The following USH1C variants were observed in gnomAD, a reference collection of about 807,000 sequenced individuals.
The protein encoded by USH1C is USH1 protein network component harmonin.
A neutral mutation model predicts 119.3 loss-of-function variants in USH1C; 90 were observed. The observed-to-expected ratio is 0.75, with a 90% CI of 0.64 to 0.90. The LOEUF (loss-of-function observed/expected upper bound fraction) is 0.90, where lower values mean the gene tolerates loss of function less well. Ranked by LOEUF, USH1C falls within the 40% of genes least tolerant of loss-of-function variation. The probability of loss-of-function intolerance (pLI) is 0.00; values close to 1 mark genes in which losing one functional copy is unlikely to be tolerated. For synonymous variants in USH1C, 465 were observed against 443.3 expected (o/e 1.05, Z -0.62); for missense variants, 1,165 against 1,167.7 (o/e 1.00, Z 0.03).
rs1244378437 is a variant in USH1C at position 17,517,415 on chromosome 11, C to A, written c.1211-1125G>T. The A allele has an allele frequency of 6.3e-7, 1 of 1,588,450 alleles. No homozygotes were observed. The highest frequency in any genetic ancestry group is 8.6e-7 in the Non-Finnish European group (1 of 1,166,636). Reference sequence around the variant, plus strand: ...GGGACGCGAACCTGCTCTCCCTGCTCCTCCGTGCCTCCATCCAGGTCATCT... The same window carrying A: ...GGGACGCGAACCTGCTCTCCCTGCTACTCCGTGCCTCCATCCAGGTCATCT... On this transcript the variant is annotated intron_variant, in intron 14 of 26. Transcript: ENST00000005226.
rs1032276543 is a variant in USH1C, at chr11:17,505,476, G to A, written c.2133+354C>T. Reference sequence around the variant, plus strand: ...CCTCTCTAAACCTCCCTTTCCTCGAGTGTTAAACAGGATGACCACAGGAAC... The same window carrying A: ...CCTCTCTAAACCTCCCTTTCCTCGAATGTTAAACAGGATGACCACAGGAAC... On this transcript the variant is annotated intron_variant, in intron 19 of 26. Transcript: ENST00000005226. Among the ~76,000 whole-genome samples, 6 of 152,362 alleles carry A rather than the reference G, an allele frequency of 3.9e-5. No homozygotes were observed. In the South Asian group the frequency reaches 1.2e-3, roughly 32 times the overall value.
chr11:17,527,126 C>G, intron 5 of USH1C, 86 bp from the exon 6 acceptor site: 1 of 944,826 alleles, frequency 1.1e-6, no homozygotes, highest in Non-Finnish European at 1.3e-6. Context: ...GCTCCCCCGC[C>G]CTCCCTCCCT....
At chr11:17,543,021 C>A (rs1007304685) in intron 1 of USH1C, among the ~76,000 whole-genome samples, 1 of 152,214 alleles carries the variant, frequency 6.6e-6, no homozygotes, top group Non-Finnish European at 1.5e-5. Context: ...GGCCTCAACA[C>A]GCAGCACTCA....
chr11:17,526,225 T>C, intron 8 of USH1C, 122 bp downstream of exon 8: 2 of 800,038 alleles, frequency 2.5e-6, no homozygotes, highest in East Asian at 2.6e-5. Flanking sequence ...TCATCACCCA[T>C]GGACAGTCAC....
intron 23 of USH1C, among the ~76,000 whole-genome samples, 171 bp downstream of exon 23, chr11:17,500,880 C>A (rs894027995): frequency 2.0e-5 from 3 of 152,218 alleles, no homozygotes; most frequent in South Asian, 2.1e-4. Context: ...GTCCCGGCGC[C>A]ATCCCATGCC....
chr11:17,532,659 C>T (rs185908627), intron 2 of USH1C, among the ~76,000 whole-genome samples: 22 of 152,294 alleles, frequency 1.4e-4, no homozygotes, highest in East Asian at 3.9e-4. Context: ...CCTCTTCCCT[C>T]GCAGTTGGAA....
intron 24 of USH1C, among the ~76,000 whole-genome samples, chr11:17,497,188 G>A (rs754938661): frequency 1.3e-5 from 2 of 152,162 alleles, no homozygotes; most frequent in Non-Finnish European, 2.9e-5. Flanking sequence ...AACCTCTCTG[G>A]GTAATTCCGA....
intron 14 of USH1C, among the ~76,000 whole-genome samples, chr11:17,519,444 C>T (rs2133862036): frequency 6.6e-6 from 1 of 152,268 alleles, no homozygotes; most frequent in South Asian, 2.1e-4. Context: ...AATAAATAAC[C>T]AGCTAGTGAA....
chr11:17,509,912 T>C lies in USH1C; in HGVS notation c.1531-74A>G, dbSNP rs1422455062. On this transcript the variant is annotated intron_variant, in intron 17 of 26. Transcript: ENST00000005226. ...CCACTTCACAATACAGCGAGCACTA[T>C]GCTCTTCTAATCTGTTTCTCTTGCT... 29 of 1,505,864 alleles carry C rather than the reference T, an allele frequency of 1.9e-5. No individual in the cohort carries two copies. In the East Asian group the frequency reaches 4.1e-4, roughly 21 times the overall value. The allele number at this position is 1,505,864 out of a possible 1,614,324, so 93.3% of individuals were successfully genotyped here. A position where few individuals can be genotyped will look rare whatever the true frequency, so the allele number is the denominator to read the frequency against.
At chr11:17,518,592 C>T (rs115343507) in intron 14 of USH1C, among the ~76,000 whole-genome samples, 2,204 of 152,290 alleles carry the variant, frequency 0.014, 61 homozygotes, top group African/African-American at 0.05. Context: ...GGATCAGCCA[C>T]GGGTAGGTGG....
chr11:17,526,102 G>A (rs1850655630), intron 8 of USH1C, among the ~76,000 whole-genome samples: 1 of 152,212 alleles, frequency 6.6e-6, no homozygotes, highest in Non-Finnish European at 1.5e-5. Flanking sequence ...TCAGGAGGCT[G>A]AGGTGGGAGG....
intron 14 of USH1C, among the ~76,000 whole-genome samples, chr11:17,518,962 G>A (rs1382545865): frequency 1.3e-5 from 2 of 152,006 alleles, no homozygotes; most frequent in African/African-American, 2.4e-5. Context: ...CGGAGGCTGC[G>A]GGGAGCTGAG....
intron 20 of USH1C, among the ~76,000 whole-genome samples, chr11:17,503,106 C>T (rs779950651): frequency 6.6e-6 from 1 of 152,200 alleles, no homozygotes; most frequent in African/African-American, 2.4e-5. Flanking sequence ...CCTCACTTGC[C>T]TCAATCACCC....
chr11:17,510,398 C>T lies in USH1C; in HGVS notation c.1530+7G>A, dbSNP rs1849834641. 6.2e-7 allele frequency: 1 copy of T among 1,608,940 alleles called. No individual in the cohort carries two copies. Among genetic ancestry groups the T allele is most frequent in the South Asian group, 1.1e-5 (1 of 90,694 alleles). ...GAGGGTCTATGTGGAAAGAAGGGCT[C>T]TGTTACCTCTGAAATCTCATTATCA... On this transcript the variant is annotated splice_region_variant and intron_variant, in intron 17 of 26. Transcript: ENST00000005226.
intron 24 of USH1C, 87 bp from the exon 25 acceptor site, chr11:17,496,900 T>A: frequency 6.6e-7 from 1 of 1,518,690 alleles, no homozygotes; most frequent in Non-Finnish European, 9.1e-7. Context: ...CTGGGCCCCA[T>A]GGCCTAGGAT....
At chr11:17,542,041 A>G (rs1851491645) in intron 1 of USH1C, among the ~76,000 whole-genome samples, 1 of 152,180 alleles carries the variant, frequency 6.6e-6, no homozygotes, top group African/African-American at 2.4e-5. Context: ...GCCAGGGTCT[A>G]TTTAAGCTCC....
chr11:17,521,553 G>C, intron 12 of USH1C, 142 bp from the exon 13 acceptor site: 2 of 820,064 alleles, frequency 2.4e-6, no homozygotes, highest in South Asian at 2.8e-5. Flanking sequence ...TTTGGTTTTG[G>C]GGGACGTTAT....
intron 10 of USH1C, 39 bp from the exon 11 acceptor site, chr11:17,523,306 A>G (rs1482357361): frequency 6.2e-7 from 1 of 1,614,116 alleles, no homozygotes; most frequent in Non-Finnish European, 8.5e-7. Flanking sequence ...GGCCTGACAG[A>G]CCACAGCAGT....
chr11:17,521,905 T>C (rs1474631845), intron 12 of USH1C, among the ~76,000 whole-genome samples: 1 of 152,226 alleles, frequency 6.6e-6, no homozygotes, highest in Admixed American at 6.5e-5. Context: ...ATCAGCTCAC[T>C]GCAACCTCTG....
Sources: allele counts gnomAD v4.1 joint callset (sites outside exome capture counted in the v4.1 genomes callset), GRCh38; gene constraint gnomAD v4.1.1; transcripts MANE v1.5; gene names NCBI Gene and HGNC (gene_info 2026-07-23, HGNC 2026-07-21).